Variants in C2CD3 observed in about 807,000 individuals in gnomAD.
The protein encoded by C2CD3 is C2 domain-containing protein 3.
In C2CD3, 148 loss-of-function variants were observed where a neutral mutation model predicts 234.0. The ratio of observed to expected loss-of-function variants is 0.63; its 90% CI spans 0.55 to 0.72. The LOEUF (loss-of-function observed/expected upper bound fraction) is 0.72, where lower values mean the gene tolerates loss of function less well. Ranked by LOEUF, C2CD3 falls within the 30% of genes least tolerant of loss-of-function variation. The pLI, the probability that C2CD3 is intolerant of heterozygous loss-of-function variation, is 0.00. For missense variants in C2CD3, 2,577 were observed against 2,811.5 expected, an observed-to-expected ratio of 0.92 and a Z score of 1.89; for synonymous variants, 1,000 against 1,035.4, an observed-to-expected ratio of 0.97 and a Z score of 0.66.
intron 3 of C2CD3, among the ~76,000 whole-genome samples, chr11:74,150,969 C>A (rs1172746664): frequency 6.6e-6 from 1 of 151,906 alleles, no homozygotes; most frequent in East Asian, 1.9e-4. Flanking sequence ...GTCACCCAGG[C>A]TGGAGTAGTG....
intron 12 of C2CD3, 107 bp from the exon 13 acceptor site, chr11:74,106,600 GAA>G: frequency 9.4e-7 from 1 of 1,061,492 alleles, no homozygotes; most frequent in Non-Finnish European, 1.4e-6. Context: ...CATTCAGGAA[GAA>G]AAAAGCTTAA....
intron 8 of C2CD3, 26 bp downstream of exon 8, chr11:74,122,962 T>A: frequency 6.3e-7 from 1 of 1,595,534 alleles, no homozygotes; most frequent in Non-Finnish European, 8.6e-7. Context: ...TCTCTAATTC[T>A]CAATGCTTCA....
Position 74,100,659 on chromosome 11 carries a change from CAG to C in C2CD3, c.2596_2597del (p.Leu866ValfsTer9), listed in dbSNP as rs898295726. The C allele has an allele frequency of 3.1e-6, 5 of 1,612,252 alleles. No individual in the cohort carries two copies. The African/African-American group carries it at 6.7e-5, about 22-fold the overall frequency. On this transcript the variant is annotated frameshift_variant, in exon 15 of 33. Coordinates refer to ENST00000334126, the MANE Select transcript of C2CD3 (RefSeq NM_001286577.2). LOFTEE classifies it high-confidence loss of function. ...FNFSQVIPVSLSSKYLERLKN... is the reference protein window; with the variant it reads ...FNFSQVIPVSXSSKYLERLKN... ...TAAGCCTTTCCAGGTATTTGGAAGACAGAGAGACAGGAATCACCTAAGAGAGA... is the reference window on the plus strand; with the variant it reads ...TAAGCCTTTCCAGGTATTTGGAAGACAGAGACAGGAATCACCTAAGAGAGA...
chr11:74,048,061 T>C (rs1419913937), intron 28 of C2CD3, 144 bp downstream of exon 28: 2 of 850,646 alleles, frequency 2.4e-6, no homozygotes, highest in Non-Finnish European at 3.5e-6. Flanking sequence ...GATCTTGGGG[T>C]TTTTGGAGTT....
chr11:74,102,035 G>C (rs1264282683), intron 14 of C2CD3, among the ~76,000 whole-genome samples: 1 of 152,178 alleles, frequency 6.6e-6, no homozygotes, highest in Non-Finnish European at 1.5e-5. Context: ...CAGTCTGAAG[G>C]CTATTTGGAA....
At chr11:74,069,343 T>C (rs1954691800) in intron 24 of C2CD3, among the ~76,000 whole-genome samples, 1 of 152,170 alleles carries the variant, frequency 6.6e-6, no homozygotes, top group Admixed American at 6.5e-5. Context: ...TGAAATACTT[T>C]TGGAAGCAGC....
At chr11:74,154,179 TGAG>T (rs2135560991) in intron 3 of C2CD3, among the ~76,000 whole-genome samples, 1 of 152,228 alleles carries the variant, frequency 6.6e-6, no homozygotes, top group South Asian at 2.1e-4. Flanking sequence ...TAGGTAGGCC[TGAG>T]TTTATAAAAA....
chr11:74,116,373 T>C (rs1956926932), intron 9 of C2CD3, among the ~76,000 whole-genome samples: 10 of 151,524 alleles, frequency 6.6e-5, no homozygotes, highest in Admixed American at 6.6e-4. Context: ...CGTATGAAAA[T>C]ATGCTCAACA....
intron 13 of C2CD3, among the ~76,000 whole-genome samples, chr11:74,105,506 G>A (rs1228024979): frequency 2.0e-5 from 3 of 151,954 alleles, no homozygotes; most frequent in Non-Finnish European, 4.4e-5. Flanking sequence ...CCTGAGCTCC[G>A]GCAATCTGCC....
chr11:74,074,730 C>A, intron 23 of C2CD3, 130 bp from the exon 24 acceptor site: 1 of 678,788 alleles, frequency 1.5e-6, no homozygotes, highest in Non-Finnish European at 2.5e-6. Flanking sequence ...CAGCAATTTG[C>A]AAAAGAAACT....
chr11:74,169,733 A>C (rs1187996869), intron 1 of C2CD3, among the ~76,000 whole-genome samples: 1 of 152,188 alleles, frequency 6.6e-6, no homozygotes, highest in Non-Finnish European at 1.5e-5. Flanking sequence ...AAACATGCTT[A>C]ACTGTTTTGA....
chr11:74,094,864 G>A (rs1270697774), intron 17 of C2CD3, among the ~76,000 whole-genome samples: 1 of 152,032 alleles, frequency 6.6e-6, no homozygotes, highest in African/African-American at 2.4e-5. Context: ...AGCGTTCATG[G>A]TGGCTTTACA....
intron 15 of C2CD3, 141 bp downstream of exon 15, chr11:74,100,384 G>T (rs1032806548): frequency 1.3e-6 from 1 of 745,410 alleles, no homozygotes; most frequent in Non-Finnish European, 2.2e-6. Flanking sequence ...ATAGGAGAAA[G>T]AGCAGCAACT....
rs1591347573 is a variant in C2CD3 at position 74,054,546 on chromosome 11, G to A, written c.5155+61C>T. 10 of 523,920 alleles carry A rather than the reference G, an allele frequency of 1.9e-5. No homozygotes were observed. The East Asian group carries it at 4.0e-4, about 21-fold the overall frequency. 32.5% of individuals were successfully genotyped at this position (523,920 alleles called of 1,614,324 possible). A position where few individuals can be genotyped will look rare whatever the true frequency, so the allele number is the denominator to read the frequency against. ...AAAAAAAAAAAAGGAATGGTAGATT[G>A]TTAACAGGATGTGAGCTTATTTTTA... On this transcript the variant is annotated intron_variant, in intron 26 of 32. Transcript: ENST00000334126.
At chr11:74,149,979 ATTGAGAAGT>A (rs1855487372) in intron 3 of C2CD3, among the ~76,000 whole-genome samples, 1 of 152,114 alleles carries the variant, frequency 6.6e-6, no homozygotes, top group Admixed American at 6.6e-5. Flanking sequence ...TAATGTGGCT[ATTGAGAAGT>A]TTGAAGCCAC....
intron 32 of C2CD3, among the ~76,000 whole-genome samples, chr11:74,014,698 G>A (rs1316043087): frequency 2.6e-5 from 4 of 152,234 alleles, no homozygotes; most frequent in Admixed American, 6.5e-5. Flanking sequence ...AAGCCCTGGA[G>A]GCAGAGAGAT....
At chr11:74,034,409 A>G in intron 30 of C2CD3, 131 bp from the exon 31 acceptor site, 1 of 1,507,884 alleles carries the variant, frequency 6.6e-7, no homozygotes, top group South Asian at 1.3e-5. Flanking sequence ...AAATTAGTCC[A>G]CCCAAGATTC....
At chr11:74,020,747 C>G (rs1172632709) in intron 32 of C2CD3, among the ~76,000 whole-genome samples, 1 of 152,220 alleles carries the variant, frequency 6.6e-6, no homozygotes, top group Admixed American at 6.5e-5. Flanking sequence ...ATGCAAATTT[C>G]AAGTCTGAGG....
intron 7 of C2CD3, chr11:74,129,114 A>AG (rs1957530352): frequency 6.5e-6 from 1 of 152,912 alleles, no homozygotes; most frequent in African/African-American, 3.5e-5. Context: ...ACTTCCCAGT[A>AG]GGGGCGGCCG....
Sources: gnomAD v4.1 joint callset for allele counts (sites outside exome capture counted in the v4.1 genomes callset) on GRCh38, gnomAD v4.1.1 for gene constraint, MANE v1.5 for transcripts, NCBI Gene and HGNC (gene_info 2026-07-23, HGNC 2026-07-21) for gene names.